Variants in BRCC3 observed in about 807,000 individuals in gnomAD.
BRCC3 encodes lys-63-specific deubiquitinase BRCC36.
BRCC3 carries 15 observed loss-of-function variants against 28.0 expected under a neutral mutation model. The observed-to-expected ratio is 0.54, with a 90% CI of 0.36 to 0.82. The LOEUF is 0.82. BRCC3 is among the 40% of genes least tolerant of loss of function. The pLI is 0.01. For synonymous variants in BRCC3, 66 were observed against 80.3 expected (o/e 0.82, Z 0.95); for missense variants, 109 against 225.9 (o/e 0.48, Z 3.32).
chrX:155,075,276 CTAAG>C (rs1569560407), intron 3 of BRCC3, among the ~76,000 whole-genome samples: 4 of 111,552 alleles, frequency 3.6e-5, no homozygotes, highest in African/African-American at 1.3e-4. Context: ...TCTGATAATG[CTAAG>C]CCCACTCTTT....
chrX:155,116,305 GGAAGCTTTCTAGCAGTCTC>G, intron 8 of BRCC3, 117 bp downstream of exon 8: 1 of 683,215 alleles, frequency 1.5e-6, no homozygotes, highest in Non-Finnish European at 2.1e-6. Flanking sequence ...TGCCTCTCTG[GGAAGCTTTCTAGCAGTCTC>G]CAATCATAAT....
In BRCC3 at chrX:155,122,139, AG is replaced by A. The variant is rs1388845198; in HGVS notation, c.*937del. 3 of 109,584 alleles carry A rather than the reference AG, an allele frequency of 2.7e-5. No individual in the cohort carries two copies. Among genetic ancestry groups the A allele is most frequent in the African/African-American group, 1.0e-4 (3 of 30,095 alleles). The allele number at this position is 109,584 out of a possible 1,213,427, so 9.0% of individuals were successfully genotyped here. On this transcript the variant is annotated 3_prime_UTR_variant, in exon 11 of 11. Coordinates refer to ENST00000330045, the MANE Select transcript of BRCC3 (RefSeq NM_001018055.3). ...GAGGCCTCATCTCAAAAAAAAAAAA[AG>A]GCCACAAAACTCAACAATAAAAACA...
At chrX:155,120,715 A>G (rs975353245) in intron 10 of BRCC3, among the ~76,000 whole-genome samples, 8 of 111,524 alleles carry the variant, frequency 7.2e-5, no homozygotes, top group African/African-American at 2.6e-4. Context: ...TTTTTAGCCC[A>G]ACATGAGTTC....
intron 7 of BRCC3, among the ~76,000 whole-genome samples, chrX:155,105,486 TA>T (rs1397126339): frequency 5.4e-5 from 6 of 110,910 alleles, no homozygotes; most frequent in African/African-American, 1.6e-4. Context: ...AAATAATAAT[TA>T]AAAAAAAGCT....
intron 5 of BRCC3, among the ~76,000 whole-genome samples, chrX:155,086,329 G>C (rs782563460): frequency 1.1e-4 from 12 of 111,474 alleles, no homozygotes; most frequent in African/African-American, 2.6e-4. Context: ...CAGTCTTGTA[G>C]AGAACCCCAC....
intron 5 of BRCC3, among the ~76,000 whole-genome samples, chrX:155,079,361 C>G (rs1351831681): frequency 9.0e-6 from 1 of 111,638 alleles, no homozygotes; most frequent in Non-Finnish European, 1.9e-5. Context: ...GGTTAGAACC[C>G]AGGTCTGACT....
At chrX:155,114,994 T>C (rs1214172653) in intron 7 of BRCC3, among the ~76,000 whole-genome samples, 1 of 111,231 alleles carries the variant, frequency 9.0e-6, no homozygotes, top group Non-Finnish European at 1.9e-5. Context: ...TTACAAATAG[T>C]GGAGAAATAC....
intron 7 of BRCC3, among the ~76,000 whole-genome samples, chrX:155,107,009 A>G (rs2074288934): frequency 1.8e-5 from 2 of 111,128 alleles, no homozygotes; most frequent in South Asian, 7.4e-4. Flanking sequence ...TATTTGTGCT[A>G]TTTCTTTTTT....
At chrX:155,088,507 C>T (rs1323390771) in intron 5 of BRCC3, among the ~76,000 whole-genome samples, 2 of 110,123 alleles carry the variant, frequency 1.8e-5, no homozygotes, top group Non-Finnish European at 3.8e-5. Context: ...GCATCCGCCA[C>T]CACACCCAGC....
rs1557295530 is a variant in BRCC3 at position 155,090,795 on chromosome X, A to G, written c.504A>G (p.Val168=). 2 of 1,193,513 alleles carry G rather than the reference A, an allele frequency of 1.7e-6. No individual in the cohort carries two copies. Among genetic ancestry groups the G allele is most frequent in the Non-Finnish European group, 2.3e-6 (2 of 883,280 alleles). ...IEDKNTKTGR[V]LYTCFQSIQA... is the part of the protein sequence containing the mutation. ...TTTTCCTTTGATAGACTGGCCGGGT[A>G]CTCTACACTTGCTTCCAATCCATAC... Residue 168 remains valine, a synonymous_variant, in exon 7 of 11, where the codon GTA becomes GTG. Coordinates refer to ENST00000330045, the MANE Select transcript of BRCC3 (RefSeq NM_001018055.3).
At position 155,074,845 on chromosome X, in the gene BRCC3, C is replaced by G. The variant is rs958161181; in HGVS notation, c.195+1414C>G. 4.9e-4 allele frequency among the ~76,000 whole-genome samples: 54 copies of G among 111,242 alleles called. 1 individual carries two copies. The Admixed American group carries it at 5.2e-3, about 11-fold the overall frequency. ...AATATTTAAAATGTGTCTCTTGTGT[C>G]TCTTATTAGTGGTAAATACTTTTTA... On this transcript the variant is annotated intron_variant, in intron 3 of 10. Coordinates refer to ENST00000330045, the MANE Select transcript of BRCC3 (RefSeq NM_001018055.3).
At chrX:155,088,534 G>A (rs927576286) in intron 5 of BRCC3, among the ~76,000 whole-genome samples, 2 of 110,062 alleles carry the variant, frequency 1.8e-5, no homozygotes, top group Admixed American at 9.6e-5. Flanking sequence ...TGAATTTTTA[G>A]TAGAGAAGGG....
At chrX:155,096,583 C>T (rs962238120) in intron 7 of BRCC3, among the ~76,000 whole-genome samples, 6 of 112,057 alleles carry the variant, frequency 5.4e-5, no homozygotes, top group African/African-American at 1.9e-4. Context: ...CACACTACTA[C>T]CCAATGTCAT....
chrX:155,089,773 C>T (rs1287728343), intron 6 of BRCC3, among the ~76,000 whole-genome samples: 1 of 111,879 alleles, frequency 8.9e-6, no homozygotes, highest in South Asian at 3.7e-4. Context: ...AGGTCCAGAT[C>T]TTGTAAGGCC....
At chrX:155,095,230 T>C (rs1412087029) in intron 7 of BRCC3, among the ~76,000 whole-genome samples, 3 of 112,166 alleles carry the variant, frequency 2.7e-5, no homozygotes, top group African/African-American at 9.7e-5. Context: ...AGATTCAAAA[T>C]ATTAACAAGT....
At chrX:155,102,395 A>G (rs905020916) in intron 7 of BRCC3, among the ~76,000 whole-genome samples, 3 of 112,243 alleles carry the variant, frequency 2.7e-5, no homozygotes, top group African/African-American at 6.5e-5. Context: ...CATTGCTACT[A>G]TATAAAAGTA....
intron 9 of BRCC3, among the ~76,000 whole-genome samples, chrX:155,117,905 G>A (rs1017607974): frequency 8.9e-6 from 1 of 111,844 alleles, no homozygotes; most frequent in African/African-American, 3.2e-5. Flanking sequence ...CCTTCATGGA[G>A]TTAACATTCT....
intron 7 of BRCC3, among the ~76,000 whole-genome samples, chrX:155,108,430 C>G (rs1268735734): frequency 3.6e-5 from 4 of 112,249 alleles, no homozygotes; most frequent in Non-Finnish European, 7.5e-5. Flanking sequence ...GAATGCATAT[C>G]TTTTCAGTAT....
At chrX:155,110,182 C>T (rs2074311782) in intron 7 of BRCC3, among the ~76,000 whole-genome samples, 1 of 111,325 alleles carries the variant, frequency 9.0e-6, no homozygotes, top group African/African-American at 3.2e-5. Context: ...TCTTTAAACA[C>T]CTTTGCTAGA....
Sources: gnomAD v4.1 joint callset for allele counts (sites outside exome capture counted in the v4.1 genomes callset) on GRCh38, gnomAD v4.1.1 for gene constraint, MANE v1.5 for transcripts, NCBI Gene and HGNC (gene_info 2026-07-23, HGNC 2026-07-21) for gene names.